WWOX: variants seen among roughly 807,000 people sequenced by gnomAD.
The protein encoded by WWOX is WW domain-containing oxidoreductase.
WWOX carries 69 observed loss-of-function variants against 46.2 expected under a neutral mutation model. The ratio of observed to expected loss-of-function variants is 1.49; its 90% CI spans 1.23 to 1.82. WWOX has a LOEUF of 1.82. Among genes scored for constraint, WWOX ranks in the 40% most tolerant of loss-of-function variants. WWOX has a pLI of 0.00. For synonymous variants in WWOX, 359 were observed against 202.6 expected (o/e 1.77, Z -6.56); for missense variants, 919 against 542.6 (o/e 1.69, Z -6.89).
At chr16:78,302,175 G>C (rs1383687076) in intron 5 of WWOX, among the ~76,000 whole-genome samples, 1 of 152,034 alleles carries the variant, frequency 6.6e-6, no homozygotes, top group East Asian at 1.9e-4. Flanking sequence ...TGGCCAGGCT[G>C]GTCTCGAACT....
rs550119147 is a variant in WWOX, at chr16:78,420,549, A to G, written c.606-4321A>G. Among the ~76,000 whole-genome samples the G allele has an allele frequency of 5.9e-5, 9 of 152,262 alleles. No individual in the cohort carries two copies. The East Asian group carries it at 1.2e-3, about 20-fold the overall frequency. On this transcript the variant is annotated intron_variant, in intron 6 of 8. Transcript: ENST00000566780. ...TACGTATTGTATGGTTCCATTTAGT[A>G]TATAAAATGTCCGGAATAGGCGAAT...
At chr16:78,647,274 G>T (rs578061404) in intron 8 of WWOX, among the ~76,000 whole-genome samples, 1 of 152,252 alleles carries the variant, frequency 6.6e-6, no homozygotes, top group African/African-American at 2.4e-5. Flanking sequence ...AAATCCAAAT[G>T]CTTTACAGGA....
At chr16:78,883,210 A>T (rs986244422) in intron 8 of WWOX, among the ~76,000 whole-genome samples, 2 of 152,126 alleles carry the variant, frequency 1.3e-5, no homozygotes, top group African/African-American at 4.8e-5. Flanking sequence ...GTGGAAATTA[A>T]AGTAGCCTCC....
chr16:78,356,223 T>G (rs1026436750), intron 5 of WWOX, among the ~76,000 whole-genome samples: 118 of 152,150 alleles, frequency 7.8e-4, no homozygotes, highest in African/African-American at 2.6e-3. Flanking sequence ...TGTATATTTG[T>G]GTGAATCATA....
At chr16:78,327,295 C>G (rs2080645737) in intron 5 of WWOX, among the ~76,000 whole-genome samples, 2 of 152,158 alleles carry the variant, frequency 1.3e-5, no homozygotes, top group African/African-American at 2.4e-5. Flanking sequence ...TTTCTTTGCA[C>G]CAGTGTCCCT....
At chr16:79,146,154 A>G (rs2050179222) in intron 8 of WWOX, among the ~76,000 whole-genome samples, 1 of 152,232 alleles carries the variant, frequency 6.6e-6, no homozygotes, top group Non-Finnish European at 1.5e-5. Flanking sequence ...GTATGATATG[A>G]AGTAGGCTTA....
intron 8 of WWOX, among the ~76,000 whole-genome samples, chr16:78,618,161 C>G (rs1184408995): frequency 6.6e-6 from 1 of 152,192 alleles, no homozygotes; most frequent in African/African-American, 2.4e-5. Context: ...GGCCACAGCA[C>G]AAAGTGGGGA....
intron 5 of WWOX, among the ~76,000 whole-genome samples, chr16:78,205,872 C>T (rs888228362): frequency 3.3e-5 from 5 of 151,630 alleles, no homozygotes; most frequent in African/African-American, 9.7e-5. Flanking sequence ...TTCCTTCCGT[C>T]CTCCCTTCCT....
At chr16:78,833,517 T>A (rs1567592232) in intron 8 of WWOX, among the ~76,000 whole-genome samples, 1 of 152,178 alleles carries the variant, frequency 6.6e-6, no homozygotes, top group East Asian at 1.9e-4. Context: ...TTACAATACC[T>A]ACAACGTGCA....
chr16:78,738,530 T>G (rs1597521343), intron 8 of WWOX, among the ~76,000 whole-genome samples: 1 of 152,180 alleles, frequency 6.6e-6, no homozygotes, highest in South Asian at 2.1e-4. Context: ...AAAATACAAA[T>G]ATATCTGTAT....
At chr16:79,207,612 A>G (rs931071193) in intron 8 of WWOX, among the ~76,000 whole-genome samples, 3 of 152,150 alleles carry the variant, frequency 2.0e-5, no homozygotes, top group Admixed American at 1.3e-4. Context: ...TATTGTGTCT[A>G]TTTTTTATAT....
At chr16:78,395,200 G>T (rs1252388945) in intron 6 of WWOX, among the ~76,000 whole-genome samples, 3 of 152,194 alleles carry the variant, frequency 2.0e-5, no homozygotes, top group Non-Finnish European at 4.4e-5. Context: ...CAGAGAGGAA[G>T]TGTGGGTCTC....
At position 78,490,236 on chromosome 16, in the gene WWOX, C is replaced by G. The variant is rs955972533; in HGVS notation, c.1056+57484C>G. ...GAATAGCTGGGTGATAATATATGGTCCCATGATCATCAACCAAGCACCAAC... is the reference window on the plus strand; with the variant it reads ...GAATAGCTGGGTGATAATATATGGTGCCATGATCATCAACCAAGCACCAAC... On this transcript the variant is annotated intron_variant, in intron 8 of 8. Transcript: ENST00000566780. 3.3e-5 allele frequency among the ~76,000 whole-genome samples: 5 copies of G among 151,484 alleles called. No individual in the cohort carries two copies. The East Asian group carries it at 9.7e-4, about 29-fold the overall frequency.
At chr16:78,388,210 T>C (rs930589794) in intron 6 of WWOX, among the ~76,000 whole-genome samples, 2 of 152,202 alleles carry the variant, frequency 1.3e-5, no homozygotes, top group African/African-American at 4.8e-5. Context: ...TTTGTATTTT[T>C]AGTAGACATA....
At chr16:79,012,454 A>C (rs1224437654) in intron 8 of WWOX, among the ~76,000 whole-genome samples, 1 of 152,110 alleles carries the variant, frequency 6.6e-6, no homozygotes, top group Non-Finnish European at 1.5e-5. Context: ...GCTGGTCTCG[A>C]ACTCCTGACC....
At chr16:78,454,720 C>G (rs557266689) in intron 8 of WWOX, among the ~76,000 whole-genome samples, 1 of 152,078 alleles carries the variant, frequency 6.6e-6, no homozygotes, top group Non-Finnish European at 1.5e-5. Context: ...TGGTCTCGAA[C>G]TCTCAACGTC....
chr16:78,950,783 T>A (rs1008330569), intron 8 of WWOX, among the ~76,000 whole-genome samples: 1 of 152,164 alleles, frequency 6.6e-6, no homozygotes, highest in African/African-American at 2.4e-5. Context: ...GCATCATGCC[T>A]AGGACTTTGG....
At chr16:79,153,753 T>TG (rs199653281) in intron 8 of WWOX, among the ~76,000 whole-genome samples, 2,630 of 152,022 alleles carry the variant, frequency 0.017, 30 homozygotes, top group African/African-American at 0.042. Context: ...ATCTGTTTTT[T>TG]GGGGGGGGTT....
At chr16:79,023,680 G>A (rs2047580189) in intron 8 of WWOX, among the ~76,000 whole-genome samples, 1 of 152,080 alleles carries the variant, frequency 6.6e-6, no homozygotes, top group African/African-American at 2.4e-5. Context: ...AGCACTTTGG[G>A]AGGCTGAGGC....
Sources: gnomAD v4.1 joint callset for allele counts (sites outside exome capture counted in the v4.1 genomes callset) on GRCh38, gnomAD v4.1.1 for gene constraint, MANE v1.5 for transcripts, NCBI Gene and HGNC (gene_info 2026-07-23, HGNC 2026-07-21) for gene names.